Variants in GPR137C observed in about 807,000 individuals in gnomAD.
The protein encoded by GPR137C is G protein-coupled receptor 137C.
A neutral mutation model predicts 43.4 loss-of-function variants in GPR137C; 27 were observed. The ratio of observed to expected loss-of-function variants is 0.62; its 90% CI spans 0.46 to 0.86. The LOEUF is 0.86. GPR137C is among the 40% of genes least tolerant of loss of function. GPR137C has a pLI of 0.00. For missense variants in GPR137C, 522 were observed against 534.6 expected, an observed-to-expected ratio of 0.98 and a Z score of 0.23; for synonymous variants, 285 against 226.9, an observed-to-expected ratio of 1.26 and a Z score of -2.30.
At position 52,618,915 on chromosome 14, in the gene GPR137C, C is replaced by A. The variant is rs1594805377; in HGVS notation, c.718-13245C>A. On this transcript the variant is annotated intron_variant, in intron 3 of 6. Transcript: ENST00000321662. ...AAAGTAAGCTTTTAGGCTTATATATCTGGCCAGGGACATGTACAATTTTAT... is the reference window on the plus strand; with the variant it reads ...AAAGTAAGCTTTTAGGCTTATATATATGGCCAGGGACATGTACAATTTTAT... 3.3e-5 allele frequency among the ~76,000 whole-genome samples: 5 copies of A among 152,064 alleles called. No homozygotes were observed. The South Asian group carries it at 6.2e-4, about 19-fold the overall frequency.
chr14:52,631,224 T>G (rs2039290275), intron 3 of GPR137C, among the ~76,000 whole-genome samples: 1 of 152,110 alleles, frequency 6.6e-6, no homozygotes. Flanking sequence ...AGGAGGACAT[T>G]AGAAAGTTAT....
At chr14:52,599,126 A>G (rs930496009) in intron 2 of GPR137C, among the ~76,000 whole-genome samples, 1 of 152,168 alleles carries the variant, frequency 6.6e-6, no homozygotes, top group Non-Finnish European at 1.5e-5. Flanking sequence ...TTGAACTGGG[A>G]TTACGTTCGT....
Position 52,601,040 on chromosome 14 carries a change from C to T in GPR137C, c.717+699C>T, listed in dbSNP as rs552948173. Reference sequence around the variant, plus strand: ...TCCCTTGCCTTATACTTTGGATCAACAAACAGAAGCCAAATAGTAGCCCAT... The same window carrying T: ...TCCCTTGCCTTATACTTTGGATCAATAAACAGAAGCCAAATAGTAGCCCAT... On this transcript the variant is annotated intron_variant, in intron 3 of 6. Transcript: ENST00000321662. 2.0e-5 allele frequency among the ~76,000 whole-genome samples: 3 copies of T among 152,124 alleles called. No individual in the cohort carries two copies. In the East Asian group the frequency reaches 5.8e-4, roughly 29 times the overall value.
intron 1 of GPR137C, among the ~76,000 whole-genome samples, chr14:52,567,871 G>C (rs2038397318): frequency 6.6e-6 from 1 of 152,060 alleles, no homozygotes; most frequent in Non-Finnish European, 1.5e-5. Context: ...TGTTGGTCAG[G>C]CTGGTCTCGA....
intron 1 of GPR137C, among the ~76,000 whole-genome samples, chr14:52,569,386 C>T (rs560130233): frequency 6.6e-6 from 1 of 152,068 alleles, no homozygotes; most frequent in East Asian, 1.9e-4. Context: ...GCATCTACTC[C>T]TCCAAAGGAT....
intron 1 of GPR137C, among the ~76,000 whole-genome samples, chr14:52,574,068 A>G (rs2038513351): frequency 2.0e-5 from 3 of 152,226 alleles, no homozygotes; most frequent in Admixed American, 2.0e-4. Context: ...GTCAGGAAAC[A>G]ACAGATGCTG....
At chr14:52,606,442 G>GT (rs2038984594) in intron 3 of GPR137C, among the ~76,000 whole-genome samples, 1 of 151,462 alleles carries the variant, frequency 6.6e-6, no homozygotes, top group African/African-American at 2.4e-5. Context: ...AATTAAATTT[G>GT]TTTATTTACT....
chr14:52,580,089 T>G (rs1455133583), intron 1 of GPR137C, among the ~76,000 whole-genome samples: 1 of 152,212 alleles, frequency 6.6e-6, no homozygotes, highest in African/African-American at 2.4e-5. Context: ...AACCTTTTTC[T>G]GCACGTACAC....
chr14:52,600,786 C>G (rs2038915272), intron 3 of GPR137C, among the ~76,000 whole-genome samples: 1 of 152,024 alleles, frequency 6.6e-6, no homozygotes, highest in Non-Finnish European at 1.5e-5. Flanking sequence ...TGAAATAAAT[C>G]AGAATATATA....
intron 1 of GPR137C, among the ~76,000 whole-genome samples, chr14:52,596,641 G>A (rs1038045204): frequency 2.0e-5 from 3 of 152,236 alleles, no homozygotes; most frequent in African/African-American, 7.2e-5. Flanking sequence ...GGCACAGGAG[G>A]GAATCTCCTG....
chr14:52,623,288 G>T (rs966745310), intron 3 of GPR137C, among the ~76,000 whole-genome samples: 1 of 152,100 alleles, frequency 6.6e-6, no homozygotes, highest in Non-Finnish European at 1.5e-5. Context: ...CTGTATAATT[G>T]GAAATGGCAA....
intron 1 of GPR137C, among the ~76,000 whole-genome samples, chr14:52,554,365 C>T (rs564488965): frequency 6.6e-6 from 1 of 152,300 alleles, no homozygotes; most frequent in African/African-American, 2.4e-5. Context: ...TTTGCAATAA[C>T]TTGCTTAATA....
intron 1 of GPR137C, among the ~76,000 whole-genome samples, chr14:52,573,136 G>A (rs764916790): frequency 3.3e-5 from 5 of 152,130 alleles, no homozygotes; most frequent in Non-Finnish European, 7.4e-5. Context: ...TCGTGAAAAT[G>A]GCCATACTGC....
At chr14:52,612,272 T>C in intron 3 of GPR137C, 4 of 949,898 alleles carry the variant, frequency 4.2e-6, no homozygotes, top group Non-Finnish European at 5.0e-6. Flanking sequence ...TTTTATACCC[T>C]GCTTTTCCCC....
At chr14:52,562,024 A>C (rs1168384791) in intron 1 of GPR137C, among the ~76,000 whole-genome samples, 2 of 152,240 alleles carry the variant, frequency 1.3e-5, no homozygotes, top group African/African-American at 4.8e-5. Flanking sequence ...AATTTACTCC[A>C]AGAATAAAAG....
chr14:52,624,684 A>G (rs1273529482), intron 3 of GPR137C, among the ~76,000 whole-genome samples: 1 of 151,112 alleles, frequency 6.6e-6, no homozygotes, highest in East Asian at 1.9e-4. Flanking sequence ...AGATCATGCC[A>G]CTGCACTCCA....
intron 2 of GPR137C, among the ~76,000 whole-genome samples, 154 bp from the exon 3 acceptor site, chr14:52,599,959 T>C (rs2038903847): frequency 6.6e-6 from 1 of 152,232 alleles, no homozygotes; most frequent in African/African-American, 2.4e-5. Context: ...CAAGTCAACC[T>C]GAGACTATTT....
At chr14:52,592,716 T>G (rs1011557243) in intron 1 of GPR137C, among the ~76,000 whole-genome samples, 2 of 152,252 alleles carry the variant, frequency 1.3e-5, no homozygotes, top group African/African-American at 4.8e-5. Flanking sequence ...GCTTGTCAGC[T>G]TAAGGAGATT....
Position 52,553,507 on chromosome 14 carries a change from C to T in GPR137C, c.360C>T (p.His120=), listed in dbSNP as rs748312487. 2.2e-5 allele frequency: 35 copies of T among 1,609,178 alleles called. No individual in the cohort carries two copies. The highest frequency in any genetic ancestry group is 2.9e-5 in the Non-Finnish European group (34 of 1,179,726). ...LPLLRPPAHL[H]FFPHWLLYCF... is the part of the protein sequence containing the mutation. ...TGCTCCGGCCGCCCGCTCACCTGCACTTCTTCCCCCACTGGCTGCTCTACT... is the reference window on the plus strand; with the variant it reads ...TGCTCCGGCCGCCCGCTCACCTGCATTTCTTCCCCCACTGGCTGCTCTACT... Residue 120 remains histidine (H), a synonymous_variant, in exon 1 of 7, where the codon CAC becomes CAT. Coordinates refer to ENST00000321662, the MANE Select transcript of GPR137C (RefSeq NM_001099652.2).
Sources: gnomAD v4.1 joint callset for allele counts (sites outside exome capture counted in the v4.1 genomes callset) on GRCh38, gnomAD v4.1.1 for gene constraint, MANE v1.5 for transcripts, NCBI Gene and HGNC (gene_info 2026-07-23, HGNC 2026-07-21) for gene names.